The following TRIM24 variants were observed in gnomAD, a reference collection of about 807,000 sequenced individuals.
The protein encoded by TRIM24 is transcription intermediary factor 1-alpha.
A neutral mutation model predicts 123.9 loss-of-function variants in TRIM24; 29 were observed. The ratio of observed to expected loss-of-function variants is 0.23; its 90% confidence interval spans 0.17 to 0.32. The LOEUF (loss-of-function observed/expected upper bound fraction) is 0.32. Among genes scored for constraint, TRIM24 ranks in the 10% least tolerant of loss-of-function variants. The pLI, the probability that TRIM24 is intolerant of heterozygous loss-of-function variation, is 1.00. For missense variants in TRIM24, 932 were observed against 1,295.3 expected (o/e 0.72, Z 4.31); for synonymous variants, 456 against 461.1 (o/e 0.99, Z 0.14).
chr7:138,467,997 T>G (rs1448989520), intron 1 of TRIM24, among the ~76,000 whole-genome samples: 1 of 152,196 alleles, frequency 6.6e-6, no homozygotes, highest in Non-Finnish European at 1.5e-5. Flanking sequence ...TTATGTCTTC[T>G]TATTGCACCA....
chr7:138,582,663 G>T (rs1003472693), intron 17 of TRIM24, among the ~76,000 whole-genome samples: 1 of 152,048 alleles, frequency 6.6e-6, no homozygotes, highest in Non-Finnish European at 1.5e-5. Context: ...AGGTTGCAGT[G>T]AGCCGAGATT....
At position 138,580,796 on chromosome 7, in the gene TRIM24, TTTTTA is replaced by T. The variant is rs530138941; in HGVS notation, c.2718+106_2718+110del. The T allele has an allele frequency of 1.3e-4, 143 of 1,111,918 alleles. 1 individual carries two copies. The South Asian group carries it at 3.2e-3, about 25-fold the overall frequency. The allele number at this position is 1,111,918 out of a possible 1,614,324, so 68.9% of individuals were successfully genotyped here. A position where few individuals can be genotyped will look rare whatever the true frequency, so the allele number is the denominator to read the frequency against. ...ATCCATCCAGATTTTATACTGATCCTTTTTATTTAAGAGTATTTTTTTTTGTTTAC... is the reference window on the plus strand; with the variant it reads ...ATCCATCCAGATTTTATACTGATCCTTTTAAGAGTATTTTTTTTTGTTTAC... On this transcript the variant is annotated intron_variant, in intron 16 of 18. Coordinates refer to ENST00000343526, the MANE Select transcript of TRIM24 (RefSeq NM_015905.3).
intron 6 of TRIM24, among the ~76,000 whole-genome samples, chr7:138,531,499 A>G (rs1796745464): frequency 6.6e-6 from 1 of 151,946 alleles, no homozygotes; most frequent in Non-Finnish European, 1.5e-5. Context: ...TAGTTTGCTG[A>G]GAATGATGGT....
At chr7:138,522,901 A>C (rs1457986971) in intron 4 of TRIM24, among the ~76,000 whole-genome samples, 1 of 152,246 alleles carries the variant, frequency 6.6e-6, no homozygotes, top group Non-Finnish European at 1.5e-5. Flanking sequence ...TCTGAATGAT[A>C]GTGAAAAACA....
chr7:138,499,818 T>C (rs187057682), intron 1 of TRIM24, among the ~76,000 whole-genome samples: 5,889 of 152,200 alleles, frequency 0.039, 156 homozygotes, highest in Middle Eastern at 0.088. Context: ...TTTTTTTTTT[T>C]CCTTTAACCT....
At chr7:138,576,550 CT>C (rs1797763937) in intron 13 of TRIM24, 105 bp downstream of exon 13, 3 of 909,180 alleles carry the variant, frequency 3.3e-6, no homozygotes, top group East Asian at 2.7e-5. Context: ...GAACAATTTC[CT>C]TTATTTTTAA....
At chr7:138,577,372 T>G in intron 13 of TRIM24, 48 bp from the exon 14 acceptor site, 3 of 1,419,808 alleles carry the variant, frequency 2.1e-6, no homozygotes, top group Non-Finnish European at 2.8e-6. Flanking sequence ...TATGAGGTAT[T>G]TAGCTTAACA....
intron 1 of TRIM24, among the ~76,000 whole-genome samples, chr7:138,497,183 C>G (rs1795925549): frequency 6.6e-6 from 1 of 151,872 alleles, no homozygotes; most frequent in South Asian, 2.1e-4. Context: ...CAGTGGAGCC[C>G]TTTGTGTCTA....
chr7:138,557,732 G>A (rs1019321932), intron 9 of TRIM24, among the ~76,000 whole-genome samples: 4 of 152,222 alleles, frequency 2.6e-5, no homozygotes, highest in Non-Finnish European at 4.4e-5. Flanking sequence ...CCTGGGCTAT[G>A]AGACTAGTCT....
intron 2 of TRIM24, among the ~76,000 whole-genome samples, chr7:138,508,901 A>G (rs1196358807): frequency 6.6e-6 from 1 of 151,952 alleles, no homozygotes; most frequent in Non-Finnish European, 1.5e-5. Flanking sequence ...GCTCATCATC[A>G]TTGAGTTGGT....
chr7:138,495,397 C>T (rs1795881975), intron 1 of TRIM24, among the ~76,000 whole-genome samples: 1 of 152,026 alleles, frequency 6.6e-6, no homozygotes, highest in African/African-American at 2.4e-5. Flanking sequence ...GCATCTTAGT[C>T]TTTAAGAATA....
chr7:138,550,301 GAGAA>G (rs1797183729), intron 7 of TRIM24, among the ~76,000 whole-genome samples: 1 of 147,016 alleles, frequency 6.8e-6, no homozygotes, highest in African/African-American at 2.5e-5. Context: ...AATTGAGTGA[GAGAA>G]AGAGGAGTTG....
chr7:138,508,662 AGT>A (rs781643258), intron 2 of TRIM24, among the ~76,000 whole-genome samples: 2,838 of 112,422 alleles, frequency 0.025, 63 homozygotes, highest in African/African-American at 0.056. Flanking sequence ...TAATAAGAGG[AGT>A]GTGTGTGTGT....
At chr7:138,510,583 G>A (rs1018843017) in intron 2 of TRIM24, among the ~76,000 whole-genome samples, 6 of 151,994 alleles carry the variant, frequency 3.9e-5, no homozygotes, top group African/African-American at 1.5e-4. Context: ...TGCCACATCT[G>A]GCTAATTTTT....
At chr7:138,498,077 G>A (rs1040724510) in intron 1 of TRIM24, among the ~76,000 whole-genome samples, 1 of 151,620 alleles carries the variant, frequency 6.6e-6, no homozygotes, top group Admixed American at 6.6e-5. Flanking sequence ...CTGGGGTGCA[G>A]TGGCGCAATC....
rs558624359 is a variant in TRIM24 at position 138,496,062 on chromosome 7, T to G, written c.365-8228T>G. Among the ~76,000 whole-genome samples, 7 of 152,344 alleles carry G rather than the reference T, an allele frequency of 4.6e-5. No individual in the cohort carries two copies. The South Asian group carries it at 1.4e-3, about 32-fold the overall frequency. On this transcript the variant is annotated intron_variant, in intron 1 of 18. Transcript: ENST00000343526. ...CCTCCAAATTTGGTATTTTTTGAAT[T>G]GTTATTGCTATTCTCTGTCTTTTGC...
rs568339693 is a variant in TRIM24 at position 138,513,723 on chromosome 7, C to T, written c.484-1489C>T. On this transcript the variant is annotated intron_variant, in intron 2 of 18. Coordinates refer to ENST00000343526, the MANE Select transcript of TRIM24 (RefSeq NM_015905.3). ...ATTACAGTTCAGCATGAGATTTGGG[C>T]AGGCACACAGATCCAAACCATATTA... Among the ~76,000 whole-genome samples the T allele has an allele frequency of 5.9e-5, 9 of 152,332 alleles. No individual in the cohort carries two copies. The South Asian group carries it at 1.9e-3, about 32-fold the overall frequency.
intron 1 of TRIM24, among the ~76,000 whole-genome samples, chr7:138,489,094 A>G (rs1795720724): frequency 6.6e-6 from 1 of 152,118 alleles, no homozygotes; most frequent in Non-Finnish European, 1.5e-5. Flanking sequence ...TCCCTTTGCC[A>G]TTATGTATTG....
At chr7:138,525,599 T>G (rs1037866474) in intron 5 of TRIM24, among the ~76,000 whole-genome samples, 2 of 152,222 alleles carry the variant, frequency 1.3e-5, no homozygotes, top group African/African-American at 4.8e-5. Context: ...TATTGATAAC[T>G]TATTATCACT....
Sources: allele counts gnomAD v4.1 joint callset (sites outside exome capture counted in the v4.1 genomes callset), GRCh38; gene constraint gnomAD v4.1.1; transcripts MANE v1.5; gene names NCBI Gene and HGNC (gene_info 2026-07-23, HGNC 2026-07-21).